The following PTPRM variants were observed in gnomAD, a reference collection of about 807,000 sequenced individuals.
PTPRM encodes the protein protein tyrosine phosphatase receptor type M.
Under a neutral mutation model 186.7 loss-of-function variants are expected in PTPRM, and 47 were observed. The ratio of observed to expected loss-of-function variants is 0.25; its 90% CI spans 0.20 to 0.32. The LOEUF (loss-of-function observed/expected upper bound fraction) is 0.32. PTPRM is among the 10% of genes least tolerant of loss of function. The pLI, the probability that PTPRM is intolerant of heterozygous loss-of-function variation, is 1.00. For synonymous variants in PTPRM, 668 were observed against 674.9 expected, an observed-to-expected ratio of 0.99 and a Z score of 0.16; for missense variants, 1,494 against 1,865.0, an observed-to-expected ratio of 0.80 and a Z score of 3.66.
At chr18:8,159,399 T>A (rs2093185139) in intron 14 of PTPRM, among the ~76,000 whole-genome samples, 1 of 152,226 alleles carries the variant, frequency 6.6e-6, no homozygotes, top group Admixed American at 6.5e-5. Flanking sequence ...TGAAACTGTT[T>A]TTATGAGTTT....
At chr18:8,034,515 A>T (rs1032764862) in intron 7 of PTPRM, among the ~76,000 whole-genome samples, 1 of 152,196 alleles carries the variant, frequency 6.6e-6, no homozygotes, top group Non-Finnish European at 1.5e-5. Context: ...CAAGCATAGG[A>T]TAGACATTCT....
chr18:8,348,368 T>A (rs934553652), intron 23 of PTPRM, among the ~76,000 whole-genome samples: 3 of 152,228 alleles, frequency 2.0e-5, no homozygotes, highest in Non-Finnish European at 4.4e-5. Flanking sequence ...ACATAGATGC[T>A]GCACTTCCCT....
intron 31 of PTPRM, 61 bp downstream of exon 31, chr18:8,387,296 C>T (rs1226513720): frequency 6.7e-7 from 1 of 1,487,328 alleles, no homozygotes; most frequent in African/African-American, 1.4e-5. Flanking sequence ...ACTCTCACCT[C>T]CTAGTTCTCT....
chr18:8,401,764 CACCA>C lies in PTPRM; in HGVS notation c.4345-4343_4345-4340del, dbSNP rs2095873471. 2.0e-5 allele frequency among the ~76,000 whole-genome samples: 3 copies of C among 152,386 alleles called. 1 individual carries two copies. The Middle Eastern group carries it at 0.01, about 518-fold the overall frequency. ...TGGTGTGCTGGCCTCGTGACGCCCT[CACCA>C]AGCTAGCAGTGGCTTTTAACAGCCA... On this transcript the variant is annotated intron_variant, in intron 32 of 32. Transcript: ENST00000580170.
chr18:8,385,040 G>A (rs1377209441), intron 30 of PTPRM, among the ~76,000 whole-genome samples: 1 of 152,084 alleles, frequency 6.6e-6, no homozygotes, highest in African/African-American at 2.4e-5. Context: ...GGGGGTCAGT[G>A]GATGGAAAAT....
intron 1 of PTPRM, among the ~76,000 whole-genome samples, chr18:7,628,279 A>G (rs991243899): frequency 6.6e-6 from 1 of 152,244 alleles, no homozygotes; most frequent in African/African-American, 2.4e-5. Context: ...TTTCACATTA[A>G]TATCAAAGCA....
intron 14 of PTPRM, among the ~76,000 whole-genome samples, chr18:8,234,935 C>T (rs113966491): frequency 6.6e-6 from 1 of 152,034 alleles, no homozygotes; most frequent in Admixed American, 6.6e-5. Flanking sequence ...GAAATATATT[C>T]TACTTGGCCA....
At chr18:7,760,870 G>T (rs1049513291) in intron 1 of PTPRM, among the ~76,000 whole-genome samples, 1 of 152,112 alleles carries the variant, frequency 6.6e-6, no homozygotes, top group African/African-American at 2.4e-5. Flanking sequence ...TTCCACCCTA[G>T]CTCCATTCTG....
At chr18:8,259,597 G>T (rs545017068) in intron 19 of PTPRM, among the ~76,000 whole-genome samples, 2 of 151,386 alleles carry the variant, frequency 1.3e-5, no homozygotes, top group Non-Finnish European at 2.9e-5. Flanking sequence ...CAAAGCTGTG[G>T]CAACTTAAGA....
rs748236581 is a variant in PTPRM, at chr18:8,384,696, G to A, written c.4044+10G>A. 16 of 1,613,776 alleles carry A rather than the reference G, an allele frequency of 9.9e-6. No homozygotes were observed. The highest frequency in any genetic ancestry group is 2.2e-5 in the South Asian group (2 of 91,072). Reference sequence around the variant, plus strand: ...TTACAATGCCGCCAGAGTAAGAGACGGGCCTGTCATGCCTGTGATTATGGT... The same window carrying A: ...TTACAATGCCGCCAGAGTAAGAGACAGGCCTGTCATGCCTGTGATTATGGT... On this transcript the variant is annotated intron_variant, in intron 30 of 32. Coordinates refer to ENST00000580170, the MANE Select transcript of PTPRM (RefSeq NM_001105244.2).
At chr18:8,036,141 A>G (rs181714275) in intron 7 of PTPRM, among the ~76,000 whole-genome samples, 1 of 152,346 alleles carries the variant, frequency 6.6e-6, no homozygotes. Flanking sequence ...TTGGAGGATC[A>G]TGATAGCTCC....
At chr18:8,279,201 G>T (rs2094873035) in intron 19 of PTPRM, among the ~76,000 whole-genome samples, 1 of 152,070 alleles carries the variant, frequency 6.6e-6, no homozygotes, top group South Asian at 2.1e-4. Flanking sequence ...CTAAATATGA[G>T]CATTGTGAAA....
intron 3 of PTPRM, among the ~76,000 whole-genome samples, chr18:7,898,940 T>A (rs570688557): frequency 6.6e-6 from 1 of 152,230 alleles, no homozygotes; most frequent in Non-Finnish European, 1.5e-5. Flanking sequence ...GGTCACAATG[T>A]TTTTGTAATG....
At chr18:8,162,392 C>T (rs906447068) in intron 14 of PTPRM, among the ~76,000 whole-genome samples, 9 of 152,228 alleles carry the variant, frequency 5.9e-5, no homozygotes, top group African/African-American at 1.4e-4. Flanking sequence ...TGAGCTACCG[C>T]GCCTGGCCTA....
chr18:7,732,470 T>C lies in PTPRM; in HGVS notation c.74-41679T>C, dbSNP rs200534518. Among the ~76,000 whole-genome samples the C allele has an allele frequency of 4.6e-5, 7 of 152,332 alleles. No homozygotes were observed. The East Asian group carries it at 7.7e-4, about 17-fold the overall frequency. On this transcript the variant is annotated intron_variant, in intron 1 of 32. Transcript: ENST00000580170. ...CAGGATTGTGTTACTTTATTTGATC[T>C]TAATAAATTATAATATTTGATTTTT...
intron 1 of PTPRM, among the ~76,000 whole-genome samples, chr18:7,673,183 C>T (rs1262740590): frequency 6.6e-6 from 1 of 152,216 alleles, no homozygotes; most frequent in Non-Finnish European, 1.5e-5. Flanking sequence ...GACAGGTTGT[C>T]TCCACTGCAG....
intron 2 of PTPRM, among the ~76,000 whole-genome samples, chr18:7,874,356 A>G (rs1230199258): frequency 1.3e-5 from 2 of 152,202 alleles, no homozygotes; most frequent in Admixed American, 1.3e-4. Flanking sequence ...CTGGGTCTCT[A>G]TGTAAACAAA....
chr18:7,629,791 A>G (rs1210141338), intron 1 of PTPRM, among the ~76,000 whole-genome samples: 1 of 152,162 alleles, frequency 6.6e-6, no homozygotes, highest in Admixed American at 6.5e-5. Flanking sequence ...GCAGACCCAC[A>G]CACTCAAAAT....
intron 20 of PTPRM, among the ~76,000 whole-genome samples, chr18:8,305,506 G>T (rs745634788): frequency 6.6e-6 from 1 of 152,186 alleles, no homozygotes; most frequent in East Asian, 1.9e-4. Flanking sequence ...TTTTACAGTT[G>T]GGGAAACTGA....
Sources: gnomAD v4.1 joint callset for allele counts (sites outside exome capture counted in the v4.1 genomes callset) on GRCh38, gnomAD v4.1.1 for gene constraint, MANE v1.5 for transcripts, NCBI Gene and HGNC (gene_info 2026-07-23, HGNC 2026-07-21) for gene names.